APBA2: variants seen among roughly 807,000 people sequenced by gnomAD.
The protein encoded by APBA2 is amyloid beta precursor protein binding family A member 2.
In APBA2, 30 loss-of-function variants were observed where a neutral mutation model predicts 75.0. That is an observed-to-expected ratio of 0.40 (90% CI 0.30 to 0.54). The LOEUF is 0.54. APBA2 is among the 20% of genes least tolerant of loss of function. The pLI is 0.49. For missense variants in APBA2, 801 were observed against 1,016.1 expected, an observed-to-expected ratio of 0.79 and a Z score of 2.88; for synonymous variants, 444 against 409.6, an observed-to-expected ratio of 1.08 and a Z score of -1.01.
chr15:28,959,519 C>T (rs758608044), intron 2 of APBA2, among the ~76,000 whole-genome samples: 2 of 152,164 alleles, frequency 1.3e-5, no homozygotes, highest in East Asian at 1.9e-4. Flanking sequence ...GGAAGACAGC[C>T]GTATGTGAGC....
At chr15:28,997,142 G>A (rs2152795347) in intron 3 of APBA2, among the ~76,000 whole-genome samples, 1 of 152,340 alleles carries the variant, frequency 6.6e-6, no homozygotes, top group South Asian at 2.1e-4. Flanking sequence ...GAATTCCCTT[G>A]CATCCAGTTG....
At chr15:29,028,233 A>G (rs914444137) in intron 3 of APBA2, among the ~76,000 whole-genome samples, 14 of 151,702 alleles carry the variant, frequency 9.2e-5, no homozygotes, top group Middle Eastern at 3.2e-3. Context: ...GCTCCCACTT[A>G]TAAGTGAGAA....
intron 13 of APBA2, among the ~76,000 whole-genome samples, chr15:29,110,753 G>A (rs2044683361): frequency 6.6e-6 from 1 of 152,206 alleles, no homozygotes; most frequent in African/African-American, 2.4e-5. Flanking sequence ...TTTGTGTTTT[G>A]TGGGGGCTAA....
intron 2 of APBA2, among the ~76,000 whole-genome samples, chr15:28,980,425 C>G (rs1404354993): frequency 6.6e-6 from 1 of 152,180 alleles, no homozygotes; most frequent in Admixed American, 6.5e-5. Context: ...AGTAGCATTT[C>G]TCTACACCAA....
chr15:28,899,715 C>T (rs886850378), intron 1 of APBA2, among the ~76,000 whole-genome samples: 2 of 152,142 alleles, frequency 1.3e-5, no homozygotes, highest in African/African-American at 4.8e-5. Flanking sequence ...GTGCTATCTG[C>T]GGGCTGTTTC....
intron 11 of APBA2, among the ~76,000 whole-genome samples, chr15:29,106,035 G>T (rs889857669): frequency 1.1e-4 from 17 of 152,242 alleles, no homozygotes; most frequent in Non-Finnish European, 2.4e-4. Flanking sequence ...ATGGCTGAAT[G>T]ATTGTGTCTG....
chr15:28,949,749 G>C (rs1375564649), intron 2 of APBA2, among the ~76,000 whole-genome samples: 7 of 152,198 alleles, frequency 4.6e-5, no homozygotes, highest in Non-Finnish European at 1.0e-4. Flanking sequence ...GATTTCAGGC[G>C]TGAGTTACCA....
intron 4 of APBA2, among the ~76,000 whole-genome samples, chr15:29,066,815 G>A (rs754918770): frequency 1.3e-5 from 2 of 152,184 alleles, no homozygotes; most frequent in Non-Finnish European, 1.5e-5. Flanking sequence ...AGTTGAGCCA[G>A]TCTGAACCCA....
At chr15:29,026,607 C>A (rs1328856333) in intron 3 of APBA2, among the ~76,000 whole-genome samples, 1 of 152,054 alleles carries the variant, frequency 6.6e-6, no homozygotes, top group Admixed American at 6.6e-5. Flanking sequence ...GTTAGACCAC[C>A]CTGAAATACA....
intron 4 of APBA2, among the ~76,000 whole-genome samples, chr15:29,065,016 T>C (rs143332410): frequency 1.1e-4 from 16 of 152,184 alleles, no homozygotes; most frequent in Admixed American, 3.3e-4. Context: ...TGTGTGTGTG[T>C]GTGTGTGTGT....
chr15:29,003,711 G>T (rs746976376), intron 3 of APBA2, among the ~76,000 whole-genome samples: 1 of 152,256 alleles, frequency 6.6e-6, no homozygotes, highest in Non-Finnish European at 1.5e-5. Flanking sequence ...CGCAGGGCAG[G>T]CCATGGGGAA....
intron 5 of APBA2, 75 bp downstream of exon 5, chr15:29,075,076 C>A: frequency 9.1e-7 from 1 of 1,101,946 alleles, no homozygotes; most frequent in Non-Finnish European, 1.4e-6. Context: ...GAGTTGTGGT[C>A]TGCTCACTTT....
intron 1 of APBA2, among the ~76,000 whole-genome samples, chr15:28,904,561 A>AGT (rs2152636921): frequency 6.6e-6 from 1 of 152,336 alleles, no homozygotes; most frequent in South Asian, 2.1e-4. Context: ...ACCCACTGAC[A>AGT]GTGAGAGTGA....
intron 3 of APBA2, among the ~76,000 whole-genome samples, chr15:29,019,720 T>C (rs1401984580): frequency 6.6e-6 from 1 of 152,250 alleles, no homozygotes; most frequent in African/African-American, 2.4e-5. Context: ...AGGGACCGTG[T>C]GTACAGTACT....
intron 3 of APBA2, among the ~76,000 whole-genome samples, chr15:29,032,118 CCT>C (rs1314210090): frequency 1.3e-5 from 2 of 152,200 alleles, no homozygotes; most frequent in East Asian, 1.9e-4. Context: ...CTTTTTTGCC[CCT>C]GTCTCCCCAG....
At position 29,118,188 on chromosome 15, in the gene APBA2, A is replaced by T. The variant is rs2045332380; in HGVS notation, c.*1055A>T. 1 of 152,722 alleles carries T rather than the reference A, an allele frequency of 6.5e-6. No individual in the cohort carries two copies. Among genetic ancestry groups the T allele is most frequent in the South Asian group, 2.1e-4 (1 of 4,826 alleles). 9.5% of individuals were successfully genotyped at this position (152,722 alleles called of 1,614,324 possible). On this transcript the variant is annotated 3_prime_UTR_variant, in exon 15 of 15. Coordinates refer to ENST00000683413, the MANE Select transcript of APBA2 (RefSeq NM_001353788.2). ...GGCCTTGAAGAATACACTGTGACTT[A>T]AGAAGCCTTACCACGCAGTAACTAA...
At chr15:29,032,431 A>G (rs989093330) in intron 3 of APBA2, among the ~76,000 whole-genome samples, 1 of 152,228 alleles carries the variant, frequency 6.6e-6, no homozygotes, top group African/African-American at 2.4e-5. Flanking sequence ...CTGGAATGTC[A>G]ACTCCTCCTG....
intron 2 of APBA2, among the ~76,000 whole-genome samples, chr15:28,938,320 T>C (rs1035536799): frequency 6.6e-6 from 1 of 152,232 alleles, no homozygotes. Context: ...TACTCATAAA[T>C]TGAAACAAAT....
intron 6 of APBA2, among the ~76,000 whole-genome samples, chr15:29,079,183 G>T (rs539158447): frequency 7.5e-4 from 114 of 152,148 alleles, no homozygotes; most frequent in African/African-American, 2.7e-3. Flanking sequence ...GGAGCATGAG[G>T]CTCTTAGACC....
Sources: gnomAD v4.1 joint callset for allele counts (sites outside exome capture counted in the v4.1 genomes callset) on GRCh38, gnomAD v4.1.1 for gene constraint, MANE v1.5 for transcripts, NCBI Gene and HGNC (gene_info 2026-07-23, HGNC 2026-07-21) for gene names.